Variants in ASPH observed in about 807,000 individuals in gnomAD.
ASPH encodes the protein aspartyl/asparaginyl beta-hydroxylase.
In ASPH, 100 loss-of-function variants were observed where a neutral mutation model predicts 118.4. The ratio of observed to expected loss-of-function variants is 0.84; its 90% CI spans 0.72 to 1.00. The LOEUF is 1.00. Ranked by LOEUF, ASPH falls within the 50% of genes least tolerant of loss-of-function variation. The probability of loss-of-function intolerance (pLI) is 0.00; values close to 1 mark genes in which losing one functional copy is unlikely to be tolerated. For missense variants in ASPH, 920 were observed against 919.5 expected, an observed-to-expected ratio of 1.00 and a Z score of -0.01; for synonymous variants, 315 against 325.6, an observed-to-expected ratio of 0.97 and a Z score of 0.35.
In ASPH at chr8:61,606,017, G is replaced by A. The variant is rs118107500; in HGVS notation, c.976+12961C>T. Among the ~76,000 whole-genome samples the A allele has an allele frequency of 9.9e-5, 15 of 152,248 alleles. 1 individual carries two copies. The highest frequency in any genetic ancestry group is 2.6e-4 in the Admixed American group (4 of 15,286). On this transcript the variant is annotated intron_variant, in intron 14 of 24. Coordinates refer to ENST00000379454, the MANE Select transcript of ASPH (RefSeq NM_004318.4). ...CCTCTGGCCTCCTTCCTCAGAAGGC[G>A]CAGAGGTATGCAATTAATGGCGCAA...
At chr8:61,570,251 G>C (rs1340452391) in intron 16 of ASPH, among the ~76,000 whole-genome samples, 1 of 152,048 alleles carries the variant, frequency 6.6e-6, no homozygotes, top group Non-Finnish European at 1.5e-5. Context: ...GTAATTTATT[G>C]GATATGATAC....
chr8:61,591,325 G>T (rs1841057864), intron 14 of ASPH, among the ~76,000 whole-genome samples: 2 of 151,764 alleles, frequency 1.3e-5, no homozygotes, highest in South Asian at 2.1e-4. Flanking sequence ...CCTGAGAGTT[G>T]CTTGCTTTAT....
chr8:61,529,192 G>A (rs1344651440), intron 21 of ASPH, among the ~76,000 whole-genome samples: 1 of 152,148 alleles, frequency 6.6e-6, no homozygotes, highest in Non-Finnish European at 1.5e-5. Flanking sequence ...ATTAGAGAAG[G>A]TCACATTTAG....
intron 14 of ASPH, among the ~76,000 whole-genome samples, chr8:61,600,720 A>G (rs968662809): frequency 1.3e-5 from 2 of 151,528 alleles, no homozygotes; most frequent in African/African-American, 4.9e-5. Flanking sequence ...GAAAACATAC[A>G]GCAAGATAAT....
intron 1 of ASPH, among the ~76,000 whole-genome samples, chr8:61,706,488 A>G (rs1836738183): frequency 6.6e-6 from 1 of 151,250 alleles, no homozygotes; most frequent in African/African-American, 2.4e-5. Flanking sequence ...AGAAAGAAGA[A>G]AGAAGAAAAA....
chr8:61,627,410 T>C (rs531004496), intron 13 of ASPH, among the ~76,000 whole-genome samples: 4 of 152,350 alleles, frequency 2.6e-5, no homozygotes, highest in South Asian at 4.1e-4. Context: ...ACAAGAGTGG[T>C]TACCTCTGGT....
At chr8:61,621,889 G>GA (rs966047404) in intron 13 of ASPH, among the ~76,000 whole-genome samples, 8 of 151,748 alleles carry the variant, frequency 5.3e-5, no homozygotes, top group Non-Finnish European at 8.8e-5. Flanking sequence ...TTCGTATTCA[G>GA]AAAAAAAAGA....
chr8:61,638,377 A>G lies in ASPH; in HGVS notation c.791-14T>C, dbSNP rs998427. On this transcript the variant is annotated splice_polypyrimidine_tract_variant and intron_variant, in intron 10 of 24. Coordinates refer to ENST00000379454, the MANE Select transcript of ASPH (RefSeq NM_004318.4). ...GTTCATATACTGCTAAAAAAAAAAA[A>G]ACAGAAACAAAATCCCGTAACTTTC... The G allele has an allele frequency of 1.1e-5, 17 of 1,557,146 alleles. No individual in the cohort carries two copies. In the East Asian group the frequency reaches 2.9e-4, roughly 27 times the overall value.
At chr8:61,612,480 C>T (rs569822258) in intron 14 of ASPH, among the ~76,000 whole-genome samples, 2 of 151,034 alleles carry the variant, frequency 1.3e-5, no homozygotes, top group African/African-American at 4.9e-5. Flanking sequence ...CTCAAGTGAT[C>T]CTCCCACCTC....
intron 3 of ASPH, chr8:61,659,100 G>A (rs1815357477): frequency 6.6e-6 from 1 of 152,318 alleles, no homozygotes; most frequent in African/African-American, 2.4e-5. Context: ...CACAGAGCAG[G>A]AGCACATTCA....
chr8:61,682,890 G>A (rs994940377), intron 2 of ASPH, among the ~76,000 whole-genome samples: 5 of 152,026 alleles, frequency 3.3e-5, no homozygotes, highest in African/African-American at 1.2e-4. Flanking sequence ...CCAGTGACAG[G>A]TCCACATCTT....
intron 1 of ASPH, among the ~76,000 whole-genome samples, chr8:61,685,495 G>A (rs985662722): frequency 9.9e-5 from 15 of 152,060 alleles, no homozygotes; most frequent in Admixed American, 2.6e-4. Flanking sequence ...CAAATTACAC[G>A]ATTTCAAAAA....
At chr8:61,514,857 T>C (rs1810283700) in intron 24 of ASPH, among the ~76,000 whole-genome samples, 1 of 152,064 alleles carries the variant, frequency 6.6e-6, no homozygotes, top group South Asian at 2.1e-4. Context: ...TGAACCACCT[T>C]GCCTGGTCCT....
At chr8:61,700,340 T>C (rs1290469344) in intron 1 of ASPH, among the ~76,000 whole-genome samples, 1 of 152,072 alleles carries the variant, frequency 6.6e-6, no homozygotes, top group Non-Finnish European at 1.5e-5. Context: ...CTCCTTCCCC[T>C]CCTGCCCTGC....
chr8:61,691,831 G>A (rs1832726513), intron 1 of ASPH, among the ~76,000 whole-genome samples: 1 of 152,168 alleles, frequency 6.6e-6, no homozygotes, highest in African/African-American at 2.4e-5. Flanking sequence ...ATTCAATCGT[G>A]ACTAGTGCAT....
At chr8:61,675,695 AAT>A (rs1824915022) in intron 3 of ASPH, 1 of 1,006,876 alleles carries the variant, frequency 9.9e-7, no homozygotes, top group African/African-American at 1.7e-5. Context: ...CATCATAATT[AAT>A]AGTGTGTTAG....
rs534595239 is a variant in ASPH at position 61,576,987 on chromosome 8, T to C, written c.1063-129A>G. On this transcript the variant is annotated intron_variant, in intron 15 of 24. Coordinates refer to ENST00000379454, the MANE Select transcript of ASPH (RefSeq NM_004318.4). ...TTCCATCCTGAGTGTAAAGATAGTT[T>C]TATCTAAGATTTTAAAAAAAGCTAT... is the stretch of plus-strand genomic sequence containing the variant. 428 of 676,916 alleles carry C rather than the reference T, an allele frequency of 6.3e-4. 5 individuals carry two copies. In the South Asian group the frequency reaches 9.6e-3, roughly 15 times the overall value. The allele number at this position is 676,916 out of a possible 1,614,324, so 41.9% of individuals were successfully genotyped here. A position where few individuals can be genotyped will look rare whatever the true frequency, so the allele number is the denominator to read the frequency against.
intron 13 of ASPH, among the ~76,000 whole-genome samples, chr8:61,632,347 T>C (rs148935425): frequency 1.3e-5 from 2 of 152,270 alleles, no homozygotes; most frequent in Non-Finnish European, 2.9e-5. Flanking sequence ...TAACTAGAAA[T>C]ATATTAATTT....
chr8:61,638,362 T>G lies in ASPH; in HGVS notation c.792A>C (p.Ala264=). 1 of 1,562,254 alleles carries G rather than the reference T, an allele frequency of 6.4e-7. No individual in the cohort carries two copies. Among genetic ancestry groups the G allele is most frequent in the Non-Finnish European group, 8.6e-7 (1 of 1,156,296 alleles). ...CTTCATTTTCTAGAGGTTCATATAC[T>G]GCTAAAAAAAAAAAAACAGAAACAA... ...DVTYQVYEEQ[A]VYEPLENEGI... is the part of the protein sequence containing the mutation. The change falls in exon 11 of 25, where the codon GCA becomes GCC. Residue 264 remains alanine, a splice_region_variant and synonymous_variant. Coordinates refer to ENST00000379454, the MANE Select transcript of ASPH (RefSeq NM_004318.4).
Sources: allele counts gnomAD v4.1 joint callset (sites outside exome capture counted in the v4.1 genomes callset), GRCh38; gene constraint gnomAD v4.1.1; transcripts MANE v1.5; gene names NCBI Gene and HGNC (gene_info 2026-07-23, HGNC 2026-07-21).